SHTN1: variants seen among roughly 807,000 people sequenced by gnomAD.
SHTN1 encodes the protein shootin 1, also known as shootin-1.
Under a neutral mutation model 83.1 loss-of-function variants are expected in SHTN1, and 42 were observed. The observed-to-expected ratio is 0.51, with a 90% CI of 0.39 to 0.65. SHTN1 has a LOEUF of 0.65. SHTN1 is among the 30% of genes least tolerant of loss of function. The pLI is 0.00. For synonymous variants in SHTN1, 224 were observed against 247.7 expected (o/e 0.90, Z 0.90); for missense variants, 622 against 737.8 (o/e 0.84, Z 1.82).
intron 9 of SHTN1, among the ~76,000 whole-genome samples, chr10:116,930,991 A>AT (rs1053211181): frequency 6.6e-6 from 1 of 152,062 alleles, no homozygotes; most frequent in South Asian, 2.1e-4. Flanking sequence ...GATGTTAAGC[A>AT]TTTTTTATAT....
rs1262425919 is a variant in SHTN1 at position 117,082,937 on chromosome 10, G to A, written c.-188-34427C>T. Among the ~76,000 whole-genome samples the A allele has an allele frequency of 6.6e-5, 10 of 151,018 alleles. 1 individual carries two copies. Among genetic ancestry groups the A allele is most frequent in the Admixed American group, 1.3e-4 (2 of 14,968 alleles). ...TTTTGAGCCTATGTGTGCTCTGCAC[G>A]TGAGATGGGTTTCCTGAATACAGCA... On this transcript the variant is annotated intron_variant, in intron 1 of 17. Coordinates refer to the SHTN1 transcript ENST00000392901.
intron 1 of SHTN1, among the ~76,000 whole-genome samples, chr10:117,077,020 C>T (rs1853167744): frequency 6.6e-6 from 1 of 152,162 alleles, no homozygotes; most frequent in African/African-American, 2.4e-5. Flanking sequence ...ATATTTACAT[C>T]TCAGTACCTC....
Position 116,921,344 on chromosome 10 carries a change from CAT to C in SHTN1, c.1195+88_1195+89del, listed in dbSNP as rs576105419. On this transcript the variant is annotated intron_variant, in intron 12 of 16. Transcript: ENST00000355371. ...GTGCTTCATACTACTCTCCCAACAA[CAT>C]GTTTATAGTCAAAGAACTTAACAAA... 211 of 877,696 alleles carry C rather than the reference CAT, an allele frequency of 2.4e-4. No homozygotes were observed. In the African/African-American group the frequency reaches 3.4e-3, roughly 14 times the overall value. 54.4% of individuals were successfully genotyped at this position (877,696 alleles called of 1,614,324 possible).
intron 16 of SHTN1, chr10:116,900,265 T>G: frequency 2.2e-6 from 1 of 456,664 alleles, no homozygotes; most frequent in Non-Finnish European, 3.9e-6. Context: ...ATTAGAGCTT[T>G]AAGTAGATAA....
intron 1 of SHTN1, among the ~76,000 whole-genome samples, chr10:117,116,633 T>C (rs1053858718): frequency 3.9e-5 from 6 of 152,204 alleles, no homozygotes; most frequent in South Asian, 2.1e-4. Flanking sequence ...GCCAATATCA[T>C]TGATGAACAT....
intron 1 of SHTN1, among the ~76,000 whole-genome samples, chr10:117,099,967 C>T (rs1164509167): frequency 2.0e-5 from 3 of 151,954 alleles, no homozygotes; most frequent in East Asian, 1.9e-4. Flanking sequence ...CATCTGAGGT[C>T]GGGAGTTCGA....
chr10:116,912,339 T>C (rs916534493), intron 13 of SHTN1, among the ~76,000 whole-genome samples: 2 of 152,134 alleles, frequency 1.3e-5, no homozygotes, highest in Non-Finnish European at 2.9e-5. Flanking sequence ...GGGCCTGGCA[T>C]GTAAGAATTT....
Position 116,979,245 on chromosome 10 carries a change from A to C in SHTN1, c.111+11T>G. Reference sequence around the variant, plus strand: ...ATGTAAGAAAGGGGAAAAAAAAGGTAAAGTACAAACCTTCTCCTTTGTTTT... The same window carrying C: ...ATGTAAGAAAGGGGAAAAAAAAGGTCAAGTACAAACCTTCTCCTTTGTTTT... On this transcript the variant is annotated intron_variant, in intron 2 of 16. Transcript: ENST00000355371. 1 of 1,611,178 alleles carries C rather than the reference A, an allele frequency of 6.2e-7. No homozygotes were observed. Among genetic ancestry groups the C allele is most frequent in the Non-Finnish European group, 8.5e-7 (1 of 1,177,356 alleles).
intron 9 of SHTN1, among the ~76,000 whole-genome samples, chr10:116,936,943 T>C (rs1211895306): frequency 6.6e-6 from 1 of 152,222 alleles, no homozygotes; most frequent in East Asian, 1.9e-4. Flanking sequence ...TTTTCATCTT[T>C]GTTGGTTTTA....
chr10:116,988,354 T>C (rs570960366), intron 1 of SHTN1, among the ~76,000 whole-genome samples: 5 of 151,770 alleles, frequency 3.3e-5, no homozygotes, highest in East Asian at 1.9e-4. Flanking sequence ...ATTTGTGCCA[T>C]AGAGGATCTG....
chr10:116,924,010 C>T lies in SHTN1; in HGVS notation c.1113-2494G>A, dbSNP rs191048775. Among the ~76,000 whole-genome samples, 336 of 152,244 alleles carry T rather than the reference C, an allele frequency of 2.2e-3. 2 individuals are homozygous for T. The highest frequency in any genetic ancestry group is 0.015 in the Admixed American group (223 of 15,296). ...AGTAAAAAGAAAAAAACACATCCTG[C>T]TCTATCTAGCTTGGGAACCAATCAT... is the stretch of plus-strand genomic sequence containing the variant. On this transcript the variant is annotated intron_variant, in intron 11 of 16. Coordinates refer to ENST00000355371, the MANE Select transcript of SHTN1 (RefSeq NM_001127211.3).
At chr10:116,951,268 T>C (rs1849765819) in intron 6 of SHTN1, among the ~76,000 whole-genome samples, 1 of 152,064 alleles carries the variant, frequency 6.6e-6, no homozygotes, top group African/African-American at 2.4e-5. Context: ...TAAAAATTTT[T>C]AAAAATCAGG....
chr10:116,974,764 C>T (rs1249250370), intron 2 of SHTN1, among the ~76,000 whole-genome samples: 1 of 151,518 alleles, frequency 6.6e-6, no homozygotes, highest in Non-Finnish European at 1.5e-5. Flanking sequence ...TCCACACACA[C>T]CCCCACCCCC....
rs186871372 is a variant in SHTN1 at position 117,069,702 on chromosome 10, C to T, written c.-188-21192G>A. ...CTTGTTTCCTCTCTATAACTAAGAACATTTTATCTTCACTAGTGTAGAGGA... is the reference window on the plus strand; with the variant it reads ...CTTGTTTCCTCTCTATAACTAAGAATATTTTATCTTCACTAGTGTAGAGGA... On this transcript the variant is annotated intron_variant, in intron 1 of 17. Transcript: ENST00000392901. 4.1e-3 allele frequency among the ~76,000 whole-genome samples: 618 copies of T among 152,272 alleles called. 6 individuals are homozygous for T. The highest frequency in any genetic ancestry group is 0.014 in the African/African-American group (585 of 41,568).
At chr10:116,979,221 T>C (rs772295010) in intron 2 of SHTN1, 35 bp downstream of exon 2, 6 of 1,578,990 alleles carry the variant, frequency 3.8e-6, no homozygotes, top group Non-Finnish European at 5.2e-6. Flanking sequence ...CTTTTACACA[T>C]GTAAGAAAGG....
chr10:117,068,949 T>C (rs1853042586), intron 1 of SHTN1, among the ~76,000 whole-genome samples: 1 of 151,814 alleles, frequency 6.6e-6, no homozygotes, highest in African/African-American at 2.4e-5. Flanking sequence ...TCTACCTATA[T>C]AGGAAACAGT....
intron 1 of SHTN1, among the ~76,000 whole-genome samples, chr10:117,120,451 T>C (rs1324828163): frequency 2.0e-5 from 3 of 152,236 alleles, no homozygotes; most frequent in African/African-American, 7.2e-5. Flanking sequence ...GGTTTTACCA[T>C]ATTGGCCAGG....
upstream of SHTN1, chr10:117,005,289 G>A: frequency 1.4e-6 from 2 of 1,422,238 alleles, no homozygotes; most frequent in South Asian, 2.8e-5. Context: ...TCACCTGCAG[G>A]CGGGGCGGGG....
At chr10:117,027,040 A>T (rs1397251593) in intron 2 of SHTN1, among the ~76,000 whole-genome samples, 1 of 152,074 alleles carries the variant, frequency 6.6e-6, no homozygotes, top group African/African-American at 2.4e-5. Context: ...ACAGAGAGAG[A>T]CTCCATTTGT....
Sources: gnomAD v4.1 joint callset for allele counts (sites outside exome capture counted in the v4.1 genomes callset) on GRCh38, gnomAD v4.1.1 for gene constraint, MANE v1.5 for transcripts, NCBI Gene and HGNC (gene_info 2026-07-23, HGNC 2026-07-21) for gene names.